BICRA: variants seen among roughly 807,000 people sequenced by gnomAD.
BICRA encodes BRD4-interacting chromatin-remodeling complex-associated protein.
In BICRA, 31 loss-of-function variants were observed where a neutral mutation model predicts 96.9. The observed-to-expected ratio is 0.32, with a 90% confidence interval of 0.24 to 0.43. The LOEUF (loss-of-function observed/expected upper bound fraction) is 0.43. Ranked by LOEUF, BICRA falls within the 20% of genes least tolerant of loss-of-function variation. BICRA has a pLI of 1.00. For missense variants in BICRA, 2,283 were observed against 2,190.3 expected (o/e 1.04, Z -0.84); for synonymous variants, 1,350 against 1,071.8 (o/e 1.26, Z -5.07).
At chr19:47,652,183 G>A (rs1431575058) in intron 1 of BICRA, among the ~76,000 whole-genome samples, 1 of 152,112 alleles carries the variant, frequency 6.6e-6, no homozygotes, top group African/African-American at 2.4e-5. Flanking sequence ...GAAGGGTGGA[G>A]GGGAGGAAGG....
intron 1 of BICRA, among the ~76,000 whole-genome samples, chr19:47,612,425 A>T (rs1971922104): frequency 6.6e-6 from 1 of 151,678 alleles, no homozygotes; most frequent in Non-Finnish European, 1.5e-5. Flanking sequence ...AAAAAAAAAA[A>T]TAAATAAAAT....
intron 1 of BICRA, among the ~76,000 whole-genome samples, chr19:47,629,461 GTAT>G (rs534524283): frequency 2.0e-4 from 31 of 152,236 alleles, no homozygotes; most frequent in African/African-American, 7.5e-4. Flanking sequence ...TTCACTTATT[GTAT>G]TGTCCTGAAG....
In BICRA at chr19:47,665,078, G is replaced by C. The variant is rs1004149442; in HGVS notation, c.-107-5365G>C. On this transcript the variant is annotated intron_variant, in intron 1 of 14. Transcript: ENST00000594866. Reference sequence around the variant, plus strand: ...CTCAGTCACTGTTTCAAAAGTTTCTGAGTGTGGGGGGTAGGGGAGAGGTCT... The same window carrying C: ...CTCAGTCACTGTTTCAAAAGTTTCTCAGTGTGGGGGGTAGGGGAGAGGTCT... 1.3e-4 allele frequency among the ~76,000 whole-genome samples: 16 copies of C among 122,254 alleles called. No individual in the cohort carries two copies. In the Admixed American group the frequency reaches 1.7e-3, roughly 13 times the overall value. 80.2% of individuals were successfully genotyped at this position (122,254 alleles called of 152,430 possible). A position where few individuals can be genotyped will look rare whatever the true frequency, so the allele number is the denominator to read the frequency against.
chr19:47,680,364 G>A lies in BICRA; in HGVS notation c.1194G>A (p.Thr398=), dbSNP rs1973020108. The A allele has an allele frequency of 1.3e-6, 2 of 1,531,334 alleles. No individual in the cohort carries two copies. The highest frequency in any genetic ancestry group is 1.2e-5 in the South Asian group (1 of 83,648). The allele number at this position is 1,531,334 out of a possible 1,614,324, so 94.9% of individuals were successfully genotyped here. The change falls in exon 6 of 15, where the codon ACG becomes ACA. Residue 398 remains threonine (T), a synonymous_variant. Transcript: ENST00000594866. ...AGCCCAAGGCCCCGCAGAACCTGACGTTCATGGCGGCGGGGAAGGCGGGCC... is the reference window on the plus strand; with the variant it reads ...AGCCCAAGGCCCCGCAGAACCTGACATTCATGGCGGCGGGGAAGGCGGGCC... ...PQQPKAPQNL[T]FMAAGKAGQN...
At chr19:47,623,919 T>G (rs1453865863) in intron 1 of BICRA, among the ~76,000 whole-genome samples, 1 of 151,618 alleles carries the variant, frequency 6.6e-6, no homozygotes, top group African/African-American at 2.4e-5. Context: ...TGGCGCGATC[T>G]TGGCTCACCG....
chr19:47,627,838 C>T (rs938567349), intron 1 of BICRA, among the ~76,000 whole-genome samples: 2 of 152,088 alleles, frequency 1.3e-5, no homozygotes, highest in East Asian at 3.9e-4. Flanking sequence ...GGCACGATCT[C>T]GGCTCACTGC....
At chr19:47,623,433 A>G (rs1972094277) in intron 1 of BICRA, among the ~76,000 whole-genome samples, 1 of 152,166 alleles carries the variant, frequency 6.6e-6, no homozygotes, top group Non-Finnish European at 1.5e-5. Context: ...TCCCTGTCAC[A>G]GAGGCACAGA....
chr19:47,627,754 TTTTG>T (rs887125475), intron 1 of BICRA, among the ~76,000 whole-genome samples: 9 of 152,086 alleles, frequency 5.9e-5, no homozygotes, highest in African/African-American at 1.2e-4. Flanking sequence ...TGAGTGGGTT[TTTTG>T]TTTGTTTGTT....
chr19:47,635,041 C>T (rs1398462423), intron 1 of BICRA, among the ~76,000 whole-genome samples: 2 of 152,098 alleles, frequency 1.3e-5, no homozygotes, highest in Non-Finnish European at 2.9e-5. Context: ...GGATTACAGG[C>T]GTGAGCCACC....
chr19:47,620,651 C>CA (rs2123509469), intron 1 of BICRA, among the ~76,000 whole-genome samples: 1 of 104,500 alleles, frequency 9.6e-6, no homozygotes, highest in South Asian at 3.4e-4. Flanking sequence ...GCTTGGGCGA[C>CA]AGAGTGAGAC....
At chr19:47,668,317 A>G (rs1972812962) in intron 1 of BICRA, among the ~76,000 whole-genome samples, 1 of 152,144 alleles carries the variant, frequency 6.6e-6, no homozygotes. Flanking sequence ...GGTAACCCCA[A>G]AACGGTGCTG....
chr19:47,693,994 G>T, intron 7 of BICRA, 121 bp from the exon 8 acceptor site: 1 of 1,197,736 alleles, frequency 8.3e-7, no homozygotes, highest in Non-Finnish European at 1.1e-6. Flanking sequence ...TCTCAGGATG[G>T]GTGTGGGCTA....
rs1006927366 is a variant in BICRA, at chr19:47,695,175, G to A, written c.3076+95G>A. On this transcript the variant is annotated intron_variant, in intron 9 of 14. Transcript: ENST00000594866. ...AGAATGGGCTGGGGCAGGGCTGTGG[G>A]ACTCAGCACAGGGCATCAGCCAGAA... is the stretch of plus-strand genomic sequence containing the variant. 2.2e-5 allele frequency: 19 copies of A among 875,348 alleles called. No individual in the cohort carries two copies. The African/African-American group carries it at 2.9e-4, about 13-fold the overall frequency. 54.2% of individuals were successfully genotyped at this position (875,348 alleles called of 1,614,324 possible).
At chr19:47,690,088 G>A (rs1383482691) in intron 7 of BICRA, among the ~76,000 whole-genome samples, 1 of 151,982 alleles carries the variant, frequency 6.6e-6, no homozygotes, top group African/African-American at 2.4e-5. Flanking sequence ...TGCAACCTCC[G>A]CCTCCCAGGT....
chr19:47,636,123 G>A (rs906398227), intron 1 of BICRA, among the ~76,000 whole-genome samples: 2 of 152,154 alleles, frequency 1.3e-5, no homozygotes, highest in Admixed American at 6.6e-5. Context: ...AGCTCATTAT[G>A]TATATGCAAA....
rs1180680119 is a variant in BICRA, at chr19:47,702,371, T to C, written c.4639T>C (p.Ser1547Pro). ...GCACAGGCCCGAGGCCTACCCACCC[T>C]CCAGTCACAACGGTGGCCTCGGCGC... ...PLHRPEAYPPSSHNGGLGART... is the reference protein window; with the variant it reads ...PLHRPEAYPPPSHNGGLGART... The change falls in exon 15 of 15, where the codon TCC becomes CCC. Residue 1547 changes from serine (S) to proline (P), a missense_variant. Coordinates refer to ENST00000594866, the MANE Select transcript of BICRA (RefSeq NM_001394372.1). 2 of 1,522,990 alleles carry C rather than the reference T, an allele frequency of 1.3e-6. No homozygotes were observed. The highest frequency in any genetic ancestry group is 1.2e-5 in the South Asian group (1 of 81,602). The allele number at this position is 1,522,990 out of a possible 1,614,324, so 94.3% of individuals were successfully genotyped here.
chr19:47,648,101 A>C (rs4802376), intron 1 of BICRA, among the ~76,000 whole-genome samples: 71,809 of 151,296 alleles, frequency 0.47, 17,736 homozygotes, highest in East Asian at 0.77. Context: ...TTTTCCTGTT[A>C]CCGTCTCCCC....
At chr19:47,689,262 A>C (rs1199278297) in intron 7 of BICRA, among the ~76,000 whole-genome samples, 1 of 151,938 alleles carries the variant, frequency 6.6e-6, no homozygotes, top group Admixed American at 6.6e-5. Flanking sequence ...TATGATCATC[A>C]GAAAGTTTTT....
chr19:47,612,304 A>T (rs979933858), intron 1 of BICRA, among the ~76,000 whole-genome samples: 2 of 151,896 alleles, frequency 1.3e-5, no homozygotes, highest in African/African-American at 4.8e-5. Context: ...GGTCCTAGCT[A>T]CTTGGGGGTG....
Sources: gnomAD v4.1 joint callset for allele counts (sites outside exome capture counted in the v4.1 genomes callset) on GRCh38, gnomAD v4.1.1 for gene constraint, MANE v1.5 for transcripts, NCBI Gene and HGNC (gene_info 2026-07-23, HGNC 2026-07-21) for gene names.